Variants in CSMD3 observed in about 807,000 individuals in gnomAD.
CSMD3 encodes CUB and Sushi multiple domains 3.
A neutral mutation model predicts 435.2 loss-of-function variants in CSMD3; 177 were observed. The ratio of observed to expected loss-of-function variants is 0.41; its 90% CI spans 0.36 to 0.46. The LOEUF (loss-of-function observed/expected upper bound fraction) is 0.46, where lower values mean the gene tolerates loss of function less well. Among genes scored for constraint, CSMD3 ranks in the 20% least tolerant of loss-of-function variants. CSMD3 has a pLI of 0.34. For synonymous variants in CSMD3, 1,656 were observed against 1,520.5 expected, an observed-to-expected ratio of 1.09 and a Z score of -2.07; for missense variants, 4,265 against 4,504.6, an observed-to-expected ratio of 0.95 and a Z score of 1.52.
At chr8:112,445,346 T>A (rs760220930) in intron 32 of CSMD3, among the ~76,000 whole-genome samples, 1 of 152,146 alleles carries the variant, frequency 6.6e-6, no homozygotes, top group South Asian at 2.1e-4. Context: ...GGGTCATTTA[T>A]AAAGAAAATA....
Position 112,336,758 on chromosome 8 carries a change from T to C in CSMD3, c.6913A>G (p.Asn2305Asp). The C allele has an allele frequency of 2.5e-6, 4 of 1,613,182 alleles. No individual in the cohort carries two copies. The highest frequency in any genetic ancestry group is 3.4e-6 in the Non-Finnish European group (4 of 1,179,260). ...ACAAGCCAAAAACAATCTTGAAAGT[T>C]TGGATATTCATCAGGATACCCAGGA... ...YSPGYPDEYP[N>D]FQDCFWLVRV... is the part of the protein sequence containing the mutation. The change falls in exon 44 of 71, where the codon AAC (asparagine) becomes GAC (aspartate). Residue 2305 changes from asparagine to aspartate, a missense_variant. Around this residue, in one of 3 missense-constraint regions of CSMD3, gnomAD observed 3,255 missense variants for 3,380.2 expected, o/e 0.96. Transcript: ENST00000297405.
chr8:112,600,726 C>A (rs932213366), intron 22 of CSMD3, among the ~76,000 whole-genome samples: 26 of 151,978 alleles, frequency 1.7e-4, no homozygotes, highest in African/African-American at 6.0e-4. Flanking sequence ...CCCTCTGTCA[C>A]CCATGCTGGA....
At chr8:112,545,511 A>T (rs1166616379) in intron 27 of CSMD3, among the ~76,000 whole-genome samples, 1 of 142,182 alleles carries the variant, frequency 7.0e-6, no homozygotes, top group African/African-American at 2.7e-5. Context: ...AAATAATAAT[A>T]ATAATAATAA....
intron 1 of CSMD3, among the ~76,000 whole-genome samples, chr8:113,394,425 T>C (rs1427825040): frequency 1.3e-5 from 2 of 152,172 alleles, no homozygotes; most frequent in Non-Finnish European, 2.9e-5. Flanking sequence ...ACCAAGTTTG[T>C]CATTTAACCC....
chr8:112,699,967 T>C (rs1587004940), intron 13 of CSMD3, among the ~76,000 whole-genome samples: 1 of 152,110 alleles, frequency 6.6e-6, no homozygotes, highest in South Asian at 2.1e-4. Flanking sequence ...CGTGTGTGTG[T>C]GTGCGTGCGT....
chr8:112,422,550 G>T (rs1353278818), intron 32 of CSMD3, among the ~76,000 whole-genome samples: 2 of 152,068 alleles, frequency 1.3e-5, no homozygotes, highest in Non-Finnish European at 1.5e-5. Context: ...GCTACTTCCT[G>T]GTGTGTGCCC....
At chr8:113,245,799 T>A (rs2093270024) in intron 3 of CSMD3, among the ~76,000 whole-genome samples, 1 of 152,080 alleles carries the variant, frequency 6.6e-6, no homozygotes, top group Admixed American at 6.6e-5. Flanking sequence ...CCTAGATATT[T>A]CTGTGAGAAA....
chr8:112,634,342 A>T lies in CSMD3; in HGVS notation c.3715+2475T>A, dbSNP rs961221322. On this transcript the variant is annotated intron_variant, in intron 22 of 70. Transcript: ENST00000297405. ...TTGAAGCATAAGCAAAGCAGTAAAG[A>T]AAAAAGTTCAAAAAAATTGGAGGAG... Among the ~76,000 whole-genome samples the T allele has an allele frequency of 6.6e-5, 10 of 152,190 alleles. No individual in the cohort carries two copies. The East Asian group carries it at 1.5e-3, about 23-fold the overall frequency.
intron 63 of CSMD3, among the ~76,000 whole-genome samples, chr8:112,252,077 A>G (rs1815316670): frequency 6.6e-6 from 1 of 151,888 alleles, no homozygotes; most frequent in African/African-American, 2.4e-5. Context: ...GAACAAATGA[A>G]CACATTAAAG....
intron 1 of CSMD3, among the ~76,000 whole-genome samples, chr8:113,430,440 C>A (rs2094665125): frequency 6.6e-6 from 1 of 152,006 alleles, no homozygotes. Flanking sequence ...ATAATTGTTG[C>A]CAAAAATCAT....
At chr8:112,777,294 T>C (rs1462884211) in intron 13 of CSMD3, among the ~76,000 whole-genome samples, 3 of 151,898 alleles carry the variant, frequency 2.0e-5, no homozygotes, top group East Asian at 3.9e-4. Flanking sequence ...GTATGTTTAA[T>C]GTAAATAAAT....
chr8:112,330,133 C>T (rs1823894903), intron 45 of CSMD3, among the ~76,000 whole-genome samples: 1 of 152,040 alleles, frequency 6.6e-6, no homozygotes, highest in South Asian at 2.1e-4. Context: ...TAAAGCATGT[C>T]CTTACATCTG....
intron 22 of CSMD3, among the ~76,000 whole-genome samples, chr8:112,598,616 C>G (rs1461368142): frequency 6.6e-6 from 1 of 150,616 alleles, no homozygotes; most frequent in Non-Finnish European, 1.5e-5. Context: ...TGACTTCAAA[C>G]TATACTACAA....
intron 22 of CSMD3, among the ~76,000 whole-genome samples, chr8:112,618,913 T>A (rs1008642083): frequency 6.6e-6 from 1 of 152,158 alleles, no homozygotes; most frequent in African/African-American, 2.4e-5. Context: ...TTGGTCCAGA[T>A]CATCTTTTTA....
At chr8:112,921,034 C>T (rs963842823) in intron 10 of CSMD3, among the ~76,000 whole-genome samples, 1,622 of 129,836 alleles carry the variant, frequency 0.012, 16 homozygotes, top group Non-Finnish European at 0.019. Flanking sequence ...CACACACACA[C>T]ATATATATAC....
At chr8:112,346,925 C>T (rs901339777) in intron 40 of CSMD3, among the ~76,000 whole-genome samples, 2 of 151,864 alleles carry the variant, frequency 1.3e-5, no homozygotes, top group African/African-American at 2.4e-5. Context: ...GTGATCCGCC[C>T]GCCCAGGCCT....
In CSMD3 at chr8:112,282,166, A is replaced by C. The variant is rs984396103; in HGVS notation, c.9332-816T>G. 3.9e-5 allele frequency among the ~76,000 whole-genome samples: 6 copies of C among 152,102 alleles called. 1 individual carries two copies. Among genetic ancestry groups the C allele is most frequent in the African/African-American group, 1.4e-4 (6 of 41,440 alleles). ...TATGAAATATGATTATAATTTCAGA[A>C]AATACCATCTGCATCTCTTGCTGCA... On this transcript the variant is annotated intron_variant, in intron 58 of 70. Coordinates refer to ENST00000297405, the MANE Select transcript of CSMD3 (RefSeq NM_198123.2).
At chr8:113,032,970 AG>A (rs1052215381) in intron 5 of CSMD3, among the ~76,000 whole-genome samples, 1 of 151,546 alleles carries the variant, frequency 6.6e-6, no homozygotes, top group African/African-American at 2.4e-5. Context: ...AAATGGTCCA[AG>A]CCCTAATCCT....
intron 38 of CSMD3, among the ~76,000 whole-genome samples, chr8:112,361,606 T>C (rs868042146): frequency 7.3e-5 from 9 of 123,656 alleles, no homozygotes; most frequent in South Asian, 4.9e-4. Flanking sequence ...TATATATATA[T>C]ATATATATAT....
Sources: allele counts gnomAD v4.1 joint callset (sites outside exome capture counted in the v4.1 genomes callset), GRCh38; gene constraint gnomAD v4.1.1; regional missense constraint gnomAD v4.1.1; transcripts MANE v1.5; gene names NCBI Gene and HGNC (gene_info 2026-07-23, HGNC 2026-07-21).